PTK2B: variants seen among roughly 807,000 people sequenced by gnomAD.
PTK2B encodes protein-tyrosine kinase 2-beta.
In PTK2B, 71 loss-of-function variants were observed where a neutral mutation model predicts 142.9. The ratio of observed to expected loss-of-function variants is 0.50; its 90% CI spans 0.41 to 0.61. The LOEUF is 0.61. PTK2B is among the 20% of genes least tolerant of loss of function. The pLI is 0.00. For synonymous variants in PTK2B, 519 were observed against 503.4 expected, an observed-to-expected ratio of 1.03 and a Z score of -0.42; for missense variants, 1,105 against 1,320.4, an observed-to-expected ratio of 0.84 and a Z score of 2.53.
intron 18 of PTK2B, among the ~76,000 whole-genome samples, chr8:27,438,165 A>G (rs1810912609): frequency 6.6e-6 from 1 of 152,168 alleles, no homozygotes. Context: ...AGTGCCAGGA[A>G]ATCGCCCCCA....
chr8:27,343,292 C>A (rs1804522073), intron 1 of PTK2B, among the ~76,000 whole-genome samples: 1 of 152,204 alleles, frequency 6.6e-6, no homozygotes, highest in African/African-American at 2.4e-5. Context: ...AGTTGACATA[C>A]AGCCAAGCCC....
At chr8:27,435,834 C>T in intron 14 of PTK2B, 41 bp downstream of exon 14, 1 of 1,594,510 alleles carries the variant, frequency 6.3e-7, no homozygotes, top group Non-Finnish European at 8.6e-7. Flanking sequence ...AGTCAAGGCC[C>T]TGTGAAATGA....
At position 27,455,856 on chromosome 8, in the gene PTK2B, C is replaced by T. The variant is rs575421089; in HGVS notation, c.2814+1245C>T. On this transcript the variant is annotated intron_variant, in intron 30 of 30. Transcript: ENST00000346049. ...AGGCACACAATACAGTGCCATGGGA[C>T]GTTTGTTGGTTCTCCGTCTGGAGCC... 9.2e-5 allele frequency among the ~76,000 whole-genome samples: 14 copies of T among 152,360 alleles called. No homozygotes were observed. In the South Asian group the frequency reaches 1.2e-3, roughly 14 times the overall value.
chr8:27,436,202 G>A, intron 14 of PTK2B, 49 bp from the exon 15 acceptor site: 1 of 1,582,930 alleles, frequency 6.3e-7, no homozygotes, highest in African/African-American at 1.3e-5. Flanking sequence ...GTTCCCTAGG[G>A]GATACCACCG....
At chr8:27,451,871 T>A (rs1241125683) in intron 27 of PTK2B, 4 of 677,762 alleles carry the variant, frequency 5.9e-6, no homozygotes, top group Non-Finnish European at 7.8e-6. Flanking sequence ...CTGTCCCAGT[T>A]CAGATTCATC....
At chr8:27,434,482 C>T in intron 12 of PTK2B, 31 bp from the exon 13 acceptor site, 1 of 1,600,146 alleles carries the variant, frequency 6.2e-7, no homozygotes, top group Non-Finnish European at 8.5e-7. Flanking sequence ...CCTCTGAGCT[C>T]ACCTGGCTTC....
intron 1 of PTK2B, among the ~76,000 whole-genome samples, chr8:27,340,991 C>T (rs775269801): frequency 2.6e-5 from 4 of 152,152 alleles, no homozygotes; most frequent in Non-Finnish European, 5.9e-5. Context: ...GTGGGAGAGA[C>T]GGATGAAGGG....
intron 2 of PTK2B, among the ~76,000 whole-genome samples, chr8:27,406,955 G>A (rs992065884): frequency 3.3e-5 from 5 of 152,138 alleles, no homozygotes; most frequent in African/African-American, 1.2e-4. Flanking sequence ...ACTTTGGGGG[G>A]AAAAATCTGT....
chr8:27,355,705 G>T (rs141363848), intron 1 of PTK2B, among the ~76,000 whole-genome samples: 170 of 152,246 alleles, frequency 1.1e-3, no homozygotes, highest in African/African-American at 3.8e-3. Flanking sequence ...GAAATAATCA[G>T]ATCTGTAGAA....
At chr8:27,388,656 C>T (rs1304273907) in intron 1 of PTK2B, among the ~76,000 whole-genome samples, 1 of 152,178 alleles carries the variant, frequency 6.6e-6, no homozygotes, top group East Asian at 1.9e-4. Flanking sequence ...CCATTTCTCC[C>T]CAACTCCCCT....
intron 1 of PTK2B, among the ~76,000 whole-genome samples, chr8:27,347,142 C>T (rs1003078947): frequency 1.3e-5 from 2 of 150,998 alleles, no homozygotes; most frequent in Admixed American, 1.3e-4. Context: ...TTTGGGAGGC[C>T]AAAACGGGTG....
rs540065977 is a variant in PTK2B at position 27,365,498 on chromosome 8, C to G, written c.-37-32050C>G. ...CTTTCCTCTGCAATATGGCAAAGTC[C>G]TGTATGTTTCTTTGAGAGACAGTGT... On this transcript the variant is annotated intron_variant, in intron 1 of 30. Coordinates refer to ENST00000346049, the MANE Select transcript of PTK2B (RefSeq NM_173176.3). 2.0e-5 allele frequency among the ~76,000 whole-genome samples: 3 copies of G among 152,262 alleles called. No homozygotes were observed. The South Asian group carries it at 6.2e-4, about 32-fold the overall frequency.
In PTK2B at chr8:27,420,203, C is replaced by T. The variant is rs1563270692; in HGVS notation, c.383+130C>T. On this transcript the variant is annotated intron_variant, in intron 3 of 30. Transcript: ENST00000346049. ...TAGCAAACCTGAGTGGCATTCTAGG[C>T]TTAGTCTTCCTCCAGTATCCAATGC... The T allele has an allele frequency of 2.8e-6, 3 of 1,064,664 alleles. 1 individual carries two copies. In the South Asian group the frequency reaches 4.7e-5, roughly 17 times the overall value. 66.0% of individuals were successfully genotyped at this position (1,064,664 alleles called of 1,614,324 possible).
At chr8:27,327,377 A>G (rs527441004) in intron 1 of PTK2B, among the ~76,000 whole-genome samples, 2 of 151,758 alleles carry the variant, frequency 1.3e-5, no homozygotes, top group South Asian at 4.2e-4. Context: ...AGCACGGGAC[A>G]CTCAGATTTG....
intron 1 of PTK2B, among the ~76,000 whole-genome samples, chr8:27,368,736 G>A (rs955641342): frequency 2.6e-5 from 4 of 152,204 alleles, no homozygotes; most frequent in South Asian, 2.1e-4. Flanking sequence ...GGAGAAGGAA[G>A]CCACCTGTCC....
Position 27,458,564 on chromosome 8 carries a change from C to G in PTK2B, c.*55C>G, listed in dbSNP as rs1459417869. Reference sequence around the variant, plus strand: ...TCCGCCCCTGCCTGCCATGTACCTCCCCTGCCTTGCTGTTGGTCATGTGGG... The same window carrying G: ...TCCGCCCCTGCCTGCCATGTACCTCGCCTGCCTTGCTGTTGGTCATGTGGG... On this transcript the variant is annotated 3_prime_UTR_variant, in exon 31 of 31. Transcript: ENST00000346049. 2.0e-6 allele frequency: 3 copies of G among 1,517,120 alleles called. No homozygotes were observed. Among genetic ancestry groups the G allele is most frequent in the Non-Finnish European group, 1.8e-6 (2 of 1,123,790 alleles). 94.0% of individuals were successfully genotyped at this position (1,517,120 alleles called of 1,614,324 possible).
At chr8:27,417,712 G>C (rs1383117154) in intron 2 of PTK2B, among the ~76,000 whole-genome samples, 1 of 152,116 alleles carries the variant, frequency 6.6e-6, no homozygotes, top group Non-Finnish European at 1.5e-5. Context: ...GCGTACATGG[G>C]GGTTTATTAT....
At chr8:27,336,419 G>C (rs1199707800) in intron 1 of PTK2B, among the ~76,000 whole-genome samples, 2 of 152,148 alleles carry the variant, frequency 1.3e-5, no homozygotes, top group Non-Finnish European at 2.9e-5. Flanking sequence ...TCTGTATGGA[G>C]AGTCACTGTT....
intron 2 of PTK2B, among the ~76,000 whole-genome samples, chr8:27,399,902 C>G (rs1808272122): frequency 6.6e-6 from 1 of 152,172 alleles, no homozygotes; most frequent in South Asian, 2.1e-4. Flanking sequence ...AGTCTCTTCA[C>G]CCGGGGATCA....
Sources: gnomAD v4.1 joint callset for allele counts (sites outside exome capture counted in the v4.1 genomes callset) on GRCh38, gnomAD v4.1.1 for gene constraint, MANE v1.5 for transcripts, NCBI Gene and HGNC (gene_info 2026-07-23, HGNC 2026-07-21) for gene names.